Variants in POM121C observed in about 807,000 individuals in gnomAD.
POM121C encodes nuclear envelope pore membrane protein POM 121C.
In POM121C, 20 loss-of-function variants were observed where a neutral mutation model predicts 66.4. The ratio of observed to expected loss-of-function variants is 0.30; its 90% confidence interval spans 0.21 to 0.44. POM121C has a LOEUF of 0.44. Ranked by LOEUF, POM121C falls within the 20% of genes least tolerant of loss-of-function variation. The pLI, the probability that POM121C is intolerant of heterozygous loss-of-function variation, is 1.00. For missense variants in POM121C, 580 were observed against 1,225.7 expected (o/e 0.47, Z 7.87); for synonymous variants, 286 against 528.0 (o/e 0.54, Z 6.28).
chr7:75,473,654 T>C (rs1280521078), intron 3 of POM121C, among the ~76,000 whole-genome samples: 1 of 151,964 alleles, frequency 6.6e-6, no homozygotes, highest in African/African-American at 2.4e-5. Flanking sequence ...GGGCAGAAAA[T>C]AAGTCCAAGG....
rs1383395439 is a variant in POM121C at position 75,421,693 on chromosome 7, C to A, written c.2559G>T (p.Val853=). 1 of 1,608,874 alleles carries A rather than the reference C, an allele frequency of 6.2e-7. No individual in the cohort carries two copies. The highest frequency in any genetic ancestry group is 1.7e-5 in the Admixed American group (1 of 59,436). The change falls in exon 13 of 15, where the codon GTG becomes GTT. Residue 853 remains valine, a synonymous_variant. Coordinates refer to ENST00000615331, the MANE Select transcript of POM121C (RefSeq NM_001099415.3). ...TGGTGGCGCTGGAGCCTGGGGTGGC[C>A]ACGTTGATCCCAAAGCTCCCACTGC... ...PAGSGSFGIN[V]ATPGSSATTG... is the part of the protein sequence containing the mutation.
intron 3 of POM121C, among the ~76,000 whole-genome samples, chr7:75,465,446 A>T (rs1485010271): frequency 2.6e-5 from 4 of 151,810 alleles, no homozygotes; most frequent in East Asian, 1.9e-4. Context: ...CTCTACAAAA[A>T]AAAAAATAAA....
chr7:75,427,789 A>G (rs1174897007), intron 7 of POM121C, among the ~76,000 whole-genome samples: 2 of 152,236 alleles, frequency 1.3e-5, no homozygotes, highest in African/African-American at 2.4e-5. Context: ...AACAAGCTTA[A>G]TAAGTACAAA....
Position 75,486,275 on chromosome 7 carries a change from A to T in POM121C, c.-869T>A, listed in dbSNP as rs1459493370. On this transcript the variant is annotated 5_prime_UTR_variant, in exon 1 of 15. Transcript: ENST00000615331. ...GGGAACGAGAGCAAGCGATGACCTGAAGAGGCACAGGAAGCGAGGGCAGTG... is the reference window on the plus strand; with the variant it reads ...GGGAACGAGAGCAAGCGATGACCTGTAGAGGCACAGGAAGCGAGGGCAGTG... 7.5e-6 allele frequency: 2 copies of T among 266,018 alleles called. No homozygotes were observed. The highest frequency in any genetic ancestry group is 5.6e-5 in the Admixed American group (1 of 17,754). 16.5% of individuals were successfully genotyped at this position (266,018 alleles called of 1,614,324 possible).
intron 3 of POM121C, among the ~76,000 whole-genome samples, chr7:75,460,502 A>C (rs1341449799): frequency 6.6e-6 from 1 of 151,808 alleles, no homozygotes; most frequent in Non-Finnish European, 1.5e-5. Context: ...GTCTCAATAA[A>C]TAAATAAATA....
At chr7:75,481,432 G>T (rs1554480107) in intron 1 of POM121C, among the ~76,000 whole-genome samples, 1 of 151,290 alleles carries the variant, frequency 6.6e-6, no homozygotes, top group Non-Finnish European at 1.5e-5. Context: ...GCTCATGATG[G>T]TAACAAAACA....
chr7:75,437,606 C>G lies in POM121C; in HGVS notation c.389G>C (p.Ser130Thr). The change falls in exon 7 of 15, where the codon AGC (serine) becomes ACC (threonine). Residue 130 changes from serine (S) to threonine (T), a missense_variant. Ser to Thr is a moderately conservative substitution (Grantham distance 58, BLOSUM62 1). Coordinates refer to ENST00000615331, the MANE Select transcript of POM121C (RefSeq NM_001099415.3). The stretch of plus-strand genomic sequence containing the variant: ...ACTTGTGTAAGCGCCTGTCAAGGAG[C>G]TCATGGAAGAGCTTCGGGATCTCTT... ...LNKRSRSSSM[S>T]SLTGAYTSGI... 6.2e-7 allele frequency: 1 copy of G among 1,613,934 alleles called. No homozygotes were observed. The highest frequency in any genetic ancestry group is 8.5e-7 in the Non-Finnish European group (1 of 1,179,852).
intron 1 of POM121C, among the ~76,000 whole-genome samples, chr7:75,481,030 A>ATAT (rs1792286734): frequency 1.0e-4 from 14 of 137,026 alleles, no homozygotes; most frequent in African/African-American, 3.1e-4. Context: ...TAGTTCAAAA[A>ATAT]ATATATATAT....
chr7:75,478,648 A>C (rs2923686), intron 1 of POM121C, among the ~76,000 whole-genome samples: 27 of 151,720 alleles, frequency 1.8e-4, no homozygotes, highest in East Asian at 3.9e-4. Flanking sequence ...TTATACTGGA[A>C]AAGATGAACA....
At position 75,474,914 on chromosome 7, in the gene POM121C, T is replaced by C. The variant is rs587775018; in HGVS notation, c.-330-32A>G. The stretch of plus-strand genomic sequence containing the variant: ...AACAGAAATGCTCCATTTTTTACCT[T>C]ATCAAAGTTAGAACCTTTCAATGAA... On this transcript the variant is annotated intron_variant, in intron 2 of 14. Coordinates refer to ENST00000615331, the MANE Select transcript of POM121C (RefSeq NM_001099415.3). 2.0e-3 allele frequency: 1,978 copies of C among 1,010,252 alleles called. 19 individuals carry two copies. The African/African-American group carries it at 0.026, about 13-fold the overall frequency. 62.6% of individuals were successfully genotyped at this position (1,010,252 alleles called of 1,614,324 possible).
chr7:75,441,672 T>G, intron 3 of POM121C, 25 bp from the exon 4 acceptor site: 1 of 1,517,316 alleles, frequency 6.6e-7, no homozygotes, highest in Non-Finnish European at 8.9e-7. Flanking sequence ...AGACAAATCA[T>G]GGAAACAAAG....
intron 13 of POM121C, chr7:75,421,205 T>G: frequency 2.7e-6 from 2 of 734,926 alleles, no homozygotes; most frequent in East Asian, 3.9e-5. Context: ...TGAACTCCTG[T>G]CCTCAAGTGA....
chr7:75,456,696 G>A (rs1452978358), intron 3 of POM121C, among the ~76,000 whole-genome samples: 4 of 152,270 alleles, frequency 2.6e-5, no homozygotes, highest in South Asian at 2.1e-4. Flanking sequence ...TTCATCACAC[G>A]GAAGCAAAAT....
At chr7:75,461,519 A>C (rs1223321469) in intron 3 of POM121C, among the ~76,000 whole-genome samples, 4 of 152,050 alleles carry the variant, frequency 2.6e-5, no homozygotes, top group Non-Finnish European at 5.9e-5. Context: ...GGGTTCAAGC[A>C]ATTTTCCTGC....
At chr7:75,483,533 A>G (rs1792393072) in intron 1 of POM121C, among the ~76,000 whole-genome samples, 1 of 152,132 alleles carries the variant, frequency 6.6e-6, no homozygotes, top group Non-Finnish European at 1.5e-5. Flanking sequence ...GCTTCCTATG[A>G]TAGAGCCTGC....
Position 75,424,218 on chromosome 7 carries a change from G to A in POM121C, c.879C>T (p.Ala293=). The A allele has an allele frequency of 6.2e-7, 1 of 1,611,958 alleles. No individual in the cohort carries two copies. The highest frequency in any genetic ancestry group is 8.5e-7 in the Non-Finnish European group (1 of 1,179,848). Residue 293 remains alanine, a synonymous_variant, in exon 12 of 15, where the codon GCC becomes GCT. Transcript: ENST00000615331. Reference sequence around the variant, plus strand: ...GTGGGGTCTCAGTGACAGAGTTCGAGGCAGCATCTAAGAAAGAAAGAAAGG... The same window carrying A: ...GTGGGGTCTCAGTGACAGAGTTCGAAGCAGCATCTAAGAAAGAAAGAAAGG... ...NQALEDKSDA[A]SNSVTETPPT...
At chr7:75,449,210 C>CT (rs1170678260) in intron 3 of POM121C, among the ~76,000 whole-genome samples, 2 of 150,526 alleles carry the variant, frequency 1.3e-5, no homozygotes, top group African/African-American at 4.9e-5. Context: ...CTGAGGGCTA[C>CT]TGAGGGAATG....
intron 3 of POM121C, among the ~76,000 whole-genome samples, chr7:75,472,176 G>A (rs371501285): frequency 2.0e-5 from 3 of 151,130 alleles, no homozygotes; most frequent in Admixed American, 1.3e-4. Context: ...ATGAGCCACC[G>A]TGCCTGGCCA....
At chr7:75,468,964 C>T (rs1246332472) in intron 3 of POM121C, among the ~76,000 whole-genome samples, 5 of 152,282 alleles carry the variant, frequency 3.3e-5, no homozygotes, top group Admixed American at 6.5e-5. Flanking sequence ...TGGTTTCTCC[C>T]GCAGTCTTTG....
Sources: gnomAD v4.1 joint callset for allele counts (sites outside exome capture counted in the v4.1 genomes callset) on GRCh38, gnomAD v4.1.1 for gene constraint, MANE v1.5 for transcripts, NCBI Gene and HGNC (gene_info 2026-07-23, HGNC 2026-07-21) for gene names.